ADGRL4: variants seen among roughly 807,000 people sequenced by gnomAD.
The protein encoded by ADGRL4 is adhesion G protein-coupled receptor L4, also known as EGF, latrophilin and seven transmembrane domain containing 1.
In ADGRL4, 90 loss-of-function variants were observed where a neutral mutation model predicts 74.8. The ratio of observed to expected loss-of-function variants is 1.20; its 90% CI spans 1.02 to 1.43. ADGRL4 has a LOEUF of 1.43. Ranked by LOEUF, ADGRL4 falls within the 40% of genes most tolerant of loss-of-function variation. The pLI is 0.00. For synonymous variants in ADGRL4, 311 were observed against 279.2 expected (o/e 1.11, Z -1.14); for missense variants, 881 against 814.3 (o/e 1.08, Z -1.00).
At chr1:78,914,080 G>T (rs1648818277) in intron 12 of ADGRL4, among the ~76,000 whole-genome samples, 1 of 151,786 alleles carries the variant, frequency 6.6e-6, no homozygotes, top group African/African-American at 2.4e-5. Context: ...TTTGCCGTTT[G>T]TTCTCCCTCA....
intron 2 of ADGRL4, among the ~76,000 whole-genome samples, chr1:78,965,536 T>C (rs1248928655): frequency 6.6e-6 from 1 of 152,120 alleles, no homozygotes; most frequent in East Asian, 1.9e-4. Flanking sequence ...TAAAATAATT[T>C]ACCAACAAAA....
intron 2 of ADGRL4, among the ~76,000 whole-genome samples, chr1:78,951,754 T>C (rs1649727200): frequency 6.6e-6 from 1 of 152,192 alleles, no homozygotes; most frequent in Non-Finnish European, 1.5e-5. Context: ...AGAAAGAGAA[T>C]CTGGTAGACA....
rs928019570 is a variant in ADGRL4, at chr1:79,004,553, C to T, written c.172+517G>A. 7.9e-5 allele frequency among the ~76,000 whole-genome samples: 12 copies of T among 152,212 alleles called. No homozygotes were observed. The South Asian group carries it at 1.2e-3, about 16-fold the overall frequency. On this transcript the variant is annotated intron_variant, in intron 2 of 14. Transcript: ENST00000370742. ...TATAATCTACTTTTTCAAAAGATGACGTCTTTTCAAAATTCTCTCTTTCTC... is the reference window on the plus strand; with the variant it reads ...TATAATCTACTTTTTCAAAAGATGATGTCTTTTCAAAATTCTCTCTTTCTC...
intron 12 of ADGRL4, among the ~76,000 whole-genome samples, chr1:78,895,902 A>G (rs894551830): frequency 1.3e-5 from 2 of 152,096 alleles, no homozygotes; most frequent in Admixed American, 1.3e-4. Context: ...AGGCAAGTGC[A>G]ACACGACTCA....
At chr1:78,974,766 T>TC (rs1650244071) in intron 2 of ADGRL4, among the ~76,000 whole-genome samples, 1 of 152,192 alleles carries the variant, frequency 6.6e-6, no homozygotes, top group Non-Finnish European at 1.5e-5. Flanking sequence ...ATTGAATCTT[T>TC]CTCATATCAC....
intron 3 of ADGRL4, among the ~76,000 whole-genome samples, chr1:78,940,904 C>G (rs1387423): frequency 0.61 from 93,228 of 151,996 alleles, 28,756 homozygotes; most frequent in East Asian, 0.7. Context: ...CCTCTTGCTA[C>G]ATTCTTAAAG....
intron 2 of ADGRL4, among the ~76,000 whole-genome samples, chr1:78,992,071 T>C (rs1421701384): frequency 2.0e-5 from 3 of 152,062 alleles, no homozygotes; most frequent in African/African-American, 4.8e-5. Flanking sequence ...TTCTCCCTGA[T>C]AGCATTTTCA....
chr1:78,921,368 T>A (rs2100672707), intron 9 of ADGRL4, among the ~76,000 whole-genome samples: 1 of 150,026 alleles, frequency 6.7e-6, no homozygotes, highest in African/African-American at 2.5e-5. Context: ...ATATGTAATC[T>A]ACCAGATATT....
At chr1:78,972,521 C>G (rs1341033851) in intron 2 of ADGRL4, among the ~76,000 whole-genome samples, 1 of 152,106 alleles carries the variant, frequency 6.6e-6, no homozygotes, top group East Asian at 1.9e-4. Context: ...TGTAACAACT[C>G]TTTATAATTT....
intron 12 of ADGRL4, among the ~76,000 whole-genome samples, chr1:78,912,121 G>A (rs1330922555): frequency 1.3e-5 from 2 of 151,846 alleles, no homozygotes; most frequent in Non-Finnish European, 2.9e-5. Flanking sequence ...AGACCACATT[G>A]CAACTGTGAC....
intron 2 of ADGRL4, among the ~76,000 whole-genome samples, chr1:78,979,098 T>C (rs1031059170): frequency 2.0e-5 from 3 of 151,994 alleles, no homozygotes; most frequent in African/African-American, 7.2e-5. Context: ...CTAATGCGGC[T>C]GGCCTTCCTA....
chr1:78,938,163 T>C lies in ADGRL4; in HGVS notation c.513A>G (p.Ser171=). 2 of 1,612,842 alleles carry C rather than the reference T, an allele frequency of 1.2e-6. No individual in the cohort carries two copies. The highest frequency in any genetic ancestry group is 2.2e-5 in the South Asian group (2 of 90,678). The change falls in exon 5 of 15, where the codon TCA becomes TCG. Residue 171 remains serine (S), a synonymous_variant. Transcript: ENST00000370742. ...TAGTGTTGTTCTTGTAACCTAGTAA[T>C]GAAGATGATTCAGCTAATATTTCTA... is the stretch of plus-strand genomic sequence containing the variant. ...TYIEILAESS[S]LLGYKNNTIS...
At chr1:78,927,133 CAA>C (rs1419130050) in intron 7 of ADGRL4, 42 bp from the exon 8 acceptor site, 37 of 1,324,360 alleles carry the variant, frequency 2.8e-5, no homozygotes, top group Non-Finnish European at 3.6e-5. Context: ...TCTTATAAAA[CAA>C]AGTGTATTTA....
At chr1:78,998,244 AT>A (rs1282681746) in intron 2 of ADGRL4, among the ~76,000 whole-genome samples, 1 of 112,812 alleles carries the variant, frequency 8.9e-6, no homozygotes, top group African/African-American at 3.5e-5. Context: ...CCTCCCTCTG[AT>A]TTCATTGCTT....
At chr1:78,907,994 A>G (rs1648681736) in intron 12 of ADGRL4, among the ~76,000 whole-genome samples, 1 of 152,018 alleles carries the variant, frequency 6.6e-6, no homozygotes, top group Non-Finnish European at 1.5e-5. Flanking sequence ...TAGACTGCAC[A>G]ATGTTTCCGT....
intron 2 of ADGRL4, among the ~76,000 whole-genome samples, chr1:78,956,961 A>C (rs998102295): frequency 1.3e-5 from 2 of 152,156 alleles, no homozygotes; most frequent in Non-Finnish European, 2.9e-5. Flanking sequence ...GCTCACTTCA[A>C]GTCTGTGTCA....
Position 78,938,166 on chromosome 1 carries a change from A to G in ADGRL4, c.510T>C (p.Ser170=), listed in dbSNP as rs989296114. 1.2e-6 allele frequency: 2 copies of G among 1,612,886 alleles called. No homozygotes were observed. Among genetic ancestry groups the G allele is most frequent in the Non-Finnish European group, 1.7e-6 (2 of 1,179,552 alleles). The part of the protein sequence containing the change: ...ITYIEILAES[S]SLLGYKNNTI... ...TGTTGTTCTTGTAACCTAGTAATGAAGATGATTCAGCTAATATTTCTATAT... is the reference window on the plus strand; with the variant it reads ...TGTTGTTCTTGTAACCTAGTAATGAGGATGATTCAGCTAATATTTCTATAT... The change falls in exon 5 of 15, where the codon TCT becomes TCC. Residue 170 remains serine, a synonymous_variant. Coordinates refer to ENST00000370742, the MANE Select transcript of ADGRL4 (RefSeq NM_022159.4).
Position 78,917,811 on chromosome 1 carries a change from T to C in ADGRL4, c.1682+19A>G. The C allele has an allele frequency of 6.2e-7, 1 of 1,606,152 alleles. No individual in the cohort carries two copies. Among genetic ancestry groups the C allele is most frequent in the Non-Finnish European group, 8.5e-7 (1 of 1,173,558 alleles). On this transcript the variant is annotated intron_variant, in intron 11 of 14. Coordinates refer to ENST00000370742, the MANE Select transcript of ADGRL4 (RefSeq NM_022159.4). ...TTCAAAATCGTATTTCAAATGCTCA[T>C]GAAATCATTTTAACTTACACTTTGG...
chr1:78,953,547 TAA>T (rs1649771899), intron 2 of ADGRL4, among the ~76,000 whole-genome samples: 2 of 152,216 alleles, frequency 1.3e-5, no homozygotes, highest in African/African-American at 4.8e-5. Context: ...TATAATTTTC[TAA>T]CCTGCTAGAG....
Sources: gnomAD v4.1 joint callset for allele counts (sites outside exome capture counted in the v4.1 genomes callset) on GRCh38, gnomAD v4.1.1 for gene constraint, MANE v1.5 for transcripts, NCBI Gene and HGNC (gene_info 2026-07-23, HGNC 2026-07-21) for gene names.